Variants in FADS3 observed in about 807,000 individuals in gnomAD.
FADS3 encodes fatty acid desaturase 3, also known as cytochrome b5-related protein.
FADS3 carries 30 observed loss-of-function variants against 60.4 expected under a neutral mutation model. The observed-to-expected ratio is 0.50, with a 90% confidence interval of 0.37 to 0.67. The LOEUF is 0.67. Among genes scored for constraint, FADS3 ranks in the 30% least tolerant of loss-of-function variants. The probability of loss-of-function intolerance (pLI) is 0.00; values close to 1 mark genes in which losing one functional copy is unlikely to be tolerated. For missense variants in FADS3, 432 were observed against 598.3 expected, an observed-to-expected ratio of 0.72 and a Z score of 2.90; for synonymous variants, 234 against 249.3, an observed-to-expected ratio of 0.94 and a Z score of 0.58.
At chr11:61,880,264 C>A in intron 1 of FADS3, 113 bp from the exon 2 acceptor site, 2 of 788,628 alleles carry the variant, frequency 2.5e-6, no homozygotes, top group South Asian at 3.4e-5. Flanking sequence ...AGACGACAGG[C>A]GGACAGGAAG....
In FADS3 at chr11:61,873,837, G is replaced by T. The variant is rs562037669; in HGVS notation, c.1315C>A (p.Leu439Met). 114 of 1,605,776 alleles carry T rather than the reference G, an allele frequency of 7.1e-5. No individual in the cohort carries two copies. The South Asian group carries it at 1.2e-3, about 17-fold the overall frequency. The stretch of plus-strand genomic sequence containing the variant: ...CTTCACTGATGGAGGTAGGCGTCCA[G>T]CCAGATGTCACCAGACTTCTTCAGG... Reference protein sequence around the residue: ...RSLKKSGDIWLDAYLHQ With the variant: ...RSLKKSGDIWMDAYLHQ The change falls in exon 12 of 12, where the codon CTG (leucine) becomes ATG (methionine). Residue 439 changes from leucine to methionine, a missense_variant. This residue lies in a region of FADS3 where 63 missense variants were observed against 64.5 expected (regional missense o/e 0.98). Transcript: ENST00000278829.
chr11:61,883,669 T>C (rs1014526138), intron 1 of FADS3, among the ~76,000 whole-genome samples: 2 of 152,152 alleles, frequency 1.3e-5, no homozygotes, highest in African/African-American at 4.8e-5. Context: ...CTTCCCTCTA[T>C]CACCCCATGT....
Position 61,891,195 on chromosome 11 carries a change from C to A in FADS3, c.187G>T (p.Gly63Cys). ...QRHPGGSRLI[G>C]HHGAEDATDA... The stretch of plus-strand genomic sequence containing the variant: ...GTGGCGTCCTCAGCGCCGTGGTGGC[C>A]GATGAGGCGGCTGCCCCCTGGGTGC... Residue 63 changes from glycine (G) to cysteine (C), a missense_variant, in exon 1 of 12, where the codon GGC becomes TGC. Physicochemically the swap from Gly to Cys is radical, Grantham distance 159. Transcript: ENST00000278829. The A allele has an allele frequency of 6.4e-7, 1 of 1,563,630 alleles. No homozygotes were observed. Among genetic ancestry groups the A allele is most frequent in the Non-Finnish European group, 8.7e-7 (1 of 1,154,316 alleles).
At position 61,880,202 on chromosome 11, in the gene FADS3, C is replaced by T. The variant is rs570624748; in HGVS notation, c.214-51G>A. On this transcript the variant is annotated intron_variant, in intron 1 of 11. Transcript: ENST00000278829. Reference sequence around the variant, plus strand: ...GACAGACAGACACAGCTGAGTAGCACAGCGGCAACCAGCAGAGACAGGCGG... The same window carrying T: ...GACAGACAGACACAGCTGAGTAGCATAGCGGCAACCAGCAGAGACAGGCGG... The T allele has an allele frequency of 4.2e-6, 6 of 1,440,050 alleles. No homozygotes were observed. The Admixed American group carries it at 6.8e-5, about 16-fold the overall frequency. 89.2% of individuals were successfully genotyped at this position (1,440,050 alleles called of 1,614,324 possible). A position where few individuals can be genotyped will look rare whatever the true frequency, so the allele number is the denominator to read the frequency against.
rs753811059 is a variant in FADS3 at position 61,878,519 on chromosome 11, G to C, written c.740C>G (p.Ser247Cys). 6.2e-7 allele frequency: 1 copy of C among 1,613,966 alleles called. No homozygotes were observed. Among genetic ancestry groups the C allele is most frequent in the African/African-American group, 1.3e-5 (1 of 75,050 alleles). ...VAPVFLLGES[S>C]VEYGKKKRRY... ...ACGTCCCTCCCCACCCACCTCGACG[G>C]ATGACTCCCCCAGGAGGAAGACGGG... The change falls in exon 5 of 12, where the codon TCC becomes TGC. Residue 247 changes from serine (S) to cysteine (C), a missense_variant. Coordinates refer to ENST00000278829, the MANE Select transcript of FADS3 (RefSeq NM_021727.5).
At chr11:61,890,021 C>T (rs1352829799) in intron 1 of FADS3, among the ~76,000 whole-genome samples, 4 of 152,230 alleles carry the variant, frequency 2.6e-5, no homozygotes, top group Non-Finnish European at 4.4e-5. Context: ...ATGCAAACAC[C>T]TGCACGCTCA....
intron 1 of FADS3, chr11:61,882,547 G>A (rs1009646257): frequency 6.6e-6 from 1 of 151,750 alleles, no homozygotes; most frequent in African/African-American, 2.4e-5. Context: ...AGCCTCCCCA[G>A]CAGCTAGGAC....
Position 61,878,767 on chromosome 11 carries a change from C to T in FADS3, c.603G>A (p.Lys201=). The part of the protein sequence containing the change: ...KKSWWNHVAQ[K]FVMGQLKGFS... Reference sequence around the variant, plus strand: ...TCACCTTTAGCTGCCCCATCACGAACTTCTGGGCCACGTGGTTCCACCAGG... The same window carrying T: ...TCACCTTTAGCTGCCCCATCACGAATTTCTGGGCCACGTGGTTCCACCAGG... Residue 201 remains lysine, a synonymous_variant, in exon 4 of 12, where the codon AAG becomes AAA. Coordinates refer to ENST00000278829, the MANE Select transcript of FADS3 (RefSeq NM_021727.5). The T allele has an allele frequency of 6.2e-7, 1 of 1,614,168 alleles. No individual in the cohort carries two copies. The highest frequency in any genetic ancestry group is 8.5e-7 in the Non-Finnish European group (1 of 1,180,024).
chr11:61,879,902 GA>G, intron 2 of FADS3, 138 bp downstream of exon 2: 1 of 654,892 alleles, frequency 1.5e-6, no homozygotes. Flanking sequence ...CCTGGGAGGG[GA>G]GGGCAGGCTC....
chr11:61,883,287 T>G lies in FADS3; in HGVS notation c.214-3136A>C, dbSNP rs373516707. ...ATCTGCCTCCTCCGGAAACCTCATC[T>G]GGGAGAAATCACATGTTTGTTCCTT... On this transcript the variant is annotated intron_variant, in intron 1 of 11. Coordinates refer to ENST00000278829, the MANE Select transcript of FADS3 (RefSeq NM_021727.5). Among the ~76,000 whole-genome samples the G allele has an allele frequency of 6.6e-5, 10 of 152,324 alleles. No individual in the cohort carries two copies. The South Asian group carries it at 1.0e-3, about 16-fold the overall frequency.
chr11:61,887,641 A>C (rs1938361397), intron 1 of FADS3, among the ~76,000 whole-genome samples: 1 of 152,288 alleles, frequency 6.6e-6, no homozygotes, highest in African/African-American at 2.4e-5. Context: ...CCCACCTCTG[A>C]GCCTTTGCTC....
In FADS3 at chr11:61,878,147, ACACT is replaced by A. The variant is rs766983906; in HGVS notation, c.808+4_808+7del. 1.2e-6 allele frequency: 2 copies of A among 1,613,602 alleles called. No individual in the cohort carries two copies. The highest frequency in any genetic ancestry group is 1.7e-6 in the Non-Finnish European group (2 of 1,179,500). On this transcript the variant is annotated splice_donor_5th_base_variant and intron_variant, in intron 6 of 11. Coordinates refer to ENST00000278829, the MANE Select transcript of FADS3 (RefSeq NM_021727.5). ...TCCCCCACCCCAGAAGGACAGATGG[ACACT>A]CACTCAGGAAGAAGTACAGGTGCTG...
intron 5 of FADS3, 26 bp downstream of exon 5, chr11:61,878,486 G>A (rs1397271027): frequency 6.2e-7 from 1 of 1,609,836 alleles, no homozygotes; most frequent in East Asian, 2.2e-5. Flanking sequence ...CCCAGCCAGA[G>A]GTTGTCCACG....
intron 1 of FADS3, among the ~76,000 whole-genome samples, chr11:61,888,116 A>C (rs553945344): frequency 6.6e-6 from 1 of 152,296 alleles, no homozygotes; most frequent in African/African-American, 2.4e-5. Context: ...CAGGCTGCCT[A>C]TGACTCTCAG....
rs1364650151 is a variant in FADS3 at position 61,877,082 on chromosome 11, C to T, written c.886-119G>A. 1 of 657,774 alleles carries T rather than the reference C, an allele frequency of 1.5e-6. No individual in the cohort carries two copies. Among genetic ancestry groups the T allele is most frequent in the East Asian group, 2.8e-5 (1 of 35,616 alleles). 40.7% of individuals were successfully genotyped at this position (657,774 alleles called of 1,614,324 possible). ...CCTTCTGCCTGATTTGCCTCAGAGC[C>T]CAGGACAGGCCACCACCCTCTCTGG... is the stretch of plus-strand genomic sequence containing the variant. On this transcript the variant is annotated intron_variant, in intron 7 of 11. Coordinates refer to ENST00000278829, the MANE Select transcript of FADS3 (RefSeq NM_021727.5). The surrounding 1 kb of genome is among the most constrained non-coding windows in gnomAD (Gnocchi z 4.7).
chr11:61,879,358 C>T lies in FADS3; in HGVS notation c.476G>A (p.Gly159Asp). 1 of 1,561,796 alleles carries T rather than the reference C, an allele frequency of 6.4e-7. No homozygotes were observed. Reference protein sequence around the residue: ...AWLLIYLLGPGWVPSALAAFI... With the variant: ...AWLLIYLLGPDWVPSALAAFI... ...GGCGGCCAGGGCACTGGGCACCCAG[C>T]CAGGACCCAGGAGGTAGATAAGGAG... The change falls in exon 3 of 12, where the codon GGC becomes GAC. Residue 159 changes from glycine to aspartate, a missense_variant. Coordinates refer to ENST00000278829, the MANE Select transcript of FADS3 (RefSeq NM_021727.5).
Position 61,873,882 on chromosome 11 carries a change from G to C in FADS3, c.1287-17C>G. On this transcript the variant is annotated splice_polypyrimidine_tract_variant and intron_variant, in intron 11 of 11. Transcript: ENST00000278829. ...TTCAGGGACCTGGGAGGTGGGGGTG[G>C]CAGTGGGGGTGGGTGTTAGGAGCTC... The C allele has an allele frequency of 1.3e-6, 2 of 1,571,448 alleles. No homozygotes were observed. Among genetic ancestry groups the C allele is most frequent in the Non-Finnish European group, 1.7e-6 (2 of 1,148,078 alleles).
rs758353740 is a variant in FADS3, at chr11:61,879,524, G to A, written c.325-15C>T. The A allele has an allele frequency of 6.3e-7, 1 of 1,583,006 alleles. No individual in the cohort carries two copies. Among genetic ancestry groups the A allele is most frequent in the South Asian group, 1.2e-5 (1 of 86,662 alleles). The stretch of plus-strand genomic sequence containing the variant: ...ACCAGCTGCGCCTGCCATAGCAGAG[G>A]GGCCGATCAGCCAAGGAAGAAATTC... On this transcript the variant is annotated splice_polypyrimidine_tract_variant and intron_variant, in intron 2 of 11. Coordinates refer to ENST00000278829, the MANE Select transcript of FADS3 (RefSeq NM_021727.5).
chr11:61,888,454 C>T (rs925707835), intron 1 of FADS3, among the ~76,000 whole-genome samples: 2 of 152,260 alleles, frequency 1.3e-5, no homozygotes, highest in Non-Finnish European at 2.9e-5. Context: ...AGACTGATTG[C>T]ACCATCCCAG....
Sources: gnomAD v4.1 joint callset for allele counts (sites outside exome capture counted in the v4.1 genomes callset) on GRCh38, gnomAD v4.1.1 for gene constraint, gnomAD v4.1.1 regional missense constraint, Gnocchi (gnomAD v3.1) non-coding constraint, MANE v1.5 for transcripts, NCBI Gene and HGNC (gene_info 2026-07-23, HGNC 2026-07-21) for gene names.